Variants in NTNG1 observed in about 807,000 individuals in gnomAD.
The protein encoded by NTNG1 is netrin G1.
A neutral mutation model predicts 54.0 loss-of-function variants in NTNG1; 16 were observed. That is an observed-to-expected ratio of 0.30 (90% CI 0.20 to 0.45). The LOEUF is 0.45. NTNG1 is among the 20% of genes least tolerant of loss of function. NTNG1 has a pLI of 1.00. For missense variants in NTNG1, 530 were observed against 678.7 expected (o/e 0.78, Z 2.43); for synonymous variants, 255 against 263.1 (o/e 0.97, Z 0.30).
At chr1:107,341,559 G>A (rs941689565) in intron 3 of NTNG1, among the ~76,000 whole-genome samples, 3 of 151,986 alleles carry the variant, frequency 2.0e-5, no homozygotes, top group African/African-American at 4.8e-5. Flanking sequence ...TATCCTCACC[G>A]ATGATGGATG....
chr1:107,185,945 G>A (rs1384276994), intron 2 of NTNG1, among the ~76,000 whole-genome samples: 3 of 152,098 alleles, frequency 2.0e-5, no homozygotes, highest in Admixed American at 2.0e-4. Flanking sequence ...TAGTGGTGAA[G>A]CTTGGGCTTT....
chr1:107,200,833 C>T (rs1658698264), intron 2 of NTNG1, among the ~76,000 whole-genome samples: 1 of 151,720 alleles, frequency 6.6e-6, no homozygotes, highest in East Asian at 1.9e-4. Flanking sequence ...TGTGTGTTAG[C>T]ACTGCATAGA....
intron 2 of NTNG1, among the ~76,000 whole-genome samples, chr1:107,176,183 A>G: frequency 6.6e-6 from 1 of 152,180 alleles, no homozygotes; most frequent in East Asian, 1.9e-4. Context: ...GAATAACACC[A>G]TGGTAGGAGA....
chr1:107,150,278 G>A (rs2101019262), intron 2 of NTNG1, among the ~76,000 whole-genome samples: 1 of 152,278 alleles, frequency 6.6e-6, no homozygotes. Context: ...TCCAGAGAAG[G>A]AGTTTATTCA....
intron 2 of NTNG1, among the ~76,000 whole-genome samples, chr1:107,232,270 T>C (rs1195248332): frequency 1.3e-5 from 2 of 152,240 alleles, no homozygotes; most frequent in African/African-American, 2.4e-5. Flanking sequence ...GTGGAGTTTT[T>C]ATAGGTGAAA....
At chr1:107,298,109 CTCAACAAATGGA>C (rs1297675217) in intron 2 of NTNG1, among the ~76,000 whole-genome samples, 6 of 152,152 alleles carry the variant, frequency 3.9e-5, no homozygotes, top group African/African-American at 1.4e-4. Flanking sequence ...AACCTATAGA[CTCAACAAATGGA>C]TCAAAATTAA....
intron 3 of NTNG1, among the ~76,000 whole-genome samples, chr1:107,353,295 A>T (rs979587687): frequency 1.3e-5 from 2 of 152,132 alleles, no homozygotes; most frequent in Non-Finnish European, 2.9e-5. Flanking sequence ...AGAAACAGCC[A>T]TGTCAAATTT....
chr1:107,146,941 A>C (rs1654167244), intron 1 of NTNG1, among the ~76,000 whole-genome samples: 1 of 152,062 alleles, frequency 6.6e-6, no homozygotes. Context: ...AGGGTCTATA[A>C]TAGAATTTTC....
intron 2 of NTNG1, among the ~76,000 whole-genome samples, chr1:107,305,072 T>C (rs150667957): frequency 0.015 from 2,332 of 152,262 alleles, 59 homozygotes; most frequent in African/African-American, 0.052. Context: ...GAATTTATCT[T>C]TTTTTATGGC....
intron 7 of NTNG1, among the ~76,000 whole-genome samples, chr1:107,441,037 A>G (rs960696769): frequency 2.2e-5 from 3 of 137,702 alleles, no homozygotes; most frequent in Non-Finnish European, 4.9e-5. Context: ...TTGGAAAGAA[A>G]GAGAAAAAAA....
chr1:107,295,220 C>T (rs544412061), intron 2 of NTNG1, among the ~76,000 whole-genome samples: 1 of 152,280 alleles, frequency 6.6e-6, no homozygotes, highest in Admixed American at 6.5e-5. Context: ...CTGTAGGTCT[C>T]ACCCAACTTT....
intron 3 of NTNG1, among the ~76,000 whole-genome samples, chr1:107,373,787 A>G (rs1030801164): frequency 6.6e-6 from 1 of 151,606 alleles, no homozygotes; most frequent in African/African-American, 2.4e-5. Flanking sequence ...CAGCCTCAAC[A>G]TCCTGGGTTC....
At chr1:107,269,529 G>A (rs1663997162) in intron 2 of NTNG1, among the ~76,000 whole-genome samples, 1 of 152,062 alleles carries the variant, frequency 6.6e-6, no homozygotes, top group African/African-American at 2.4e-5. Context: ...GTGATAACAG[G>A]GATTCTATAG....
chr1:107,399,498 T>C (rs1477400701), intron 4 of NTNG1, among the ~76,000 whole-genome samples: 2 of 152,196 alleles, frequency 1.3e-5, no homozygotes, highest in African/African-American at 4.8e-5. Flanking sequence ...TTGATGATTG[T>C]TCTATTATTT....
intron 7 of NTNG1, among the ~76,000 whole-genome samples, chr1:107,473,893 C>A (rs1236338238): frequency 6.6e-6 from 1 of 152,186 alleles, no homozygotes; most frequent in Non-Finnish European, 1.5e-5. Flanking sequence ...AACATTAATA[C>A]TCTAACCTTA....
chr1:107,194,807 T>A (rs1440300436), intron 2 of NTNG1, among the ~76,000 whole-genome samples: 1 of 152,024 alleles, frequency 6.6e-6, no homozygotes, highest in Non-Finnish European at 1.5e-5. Flanking sequence ...TATGGCAACA[T>A]GCTTAGCTCC....
chr1:107,240,094 G>A (rs759939516), intron 2 of NTNG1, among the ~76,000 whole-genome samples: 4 of 151,926 alleles, frequency 2.6e-5, no homozygotes, highest in Non-Finnish European at 5.9e-5. Flanking sequence ...ATGTATGTGA[G>A]GTATGATGAT....
intron 2 of NTNG1, among the ~76,000 whole-genome samples, chr1:107,171,049 G>T (rs1335694747): frequency 6.6e-6 from 1 of 152,078 alleles, no homozygotes; most frequent in Non-Finnish European, 1.5e-5. Context: ...AAATCAGATT[G>T]ACTCATCTTA....
chr1:107,297,285 T>C (rs1262377048), intron 2 of NTNG1, among the ~76,000 whole-genome samples: 2 of 146,164 alleles, frequency 1.4e-5, no homozygotes, highest in South Asian at 2.1e-4. Flanking sequence ...AGGATGCATG[T>C]TGTAAATTGA....
Sources: allele counts gnomAD v4.1 joint callset (sites outside exome capture counted in the v4.1 genomes callset), GRCh38; gene constraint gnomAD v4.1.1; transcripts MANE v1.5; gene names NCBI Gene and HGNC (gene_info 2026-07-23, HGNC 2026-07-21).